The following SH3RF3 variants were observed in gnomAD, a reference collection of about 807,000 sequenced individuals.
SH3RF3 encodes the protein SH3 domain containing ring finger 3, also known as E3 ubiquitin-protein ligase SH3RF3.
A neutral mutation model predicts 66.3 loss-of-function variants in SH3RF3; 29 were observed. The observed-to-expected ratio is 0.44, with a 90% CI of 0.33 to 0.60. The LOEUF is 0.60. Among genes scored for constraint, SH3RF3 ranks in the 20% least tolerant of loss-of-function variants. The probability of loss-of-function intolerance (pLI) is 0.04; values close to 1 mark genes in which losing one functional copy is unlikely to be tolerated. For missense variants in SH3RF3, 1,194 were observed against 1,190.9 expected (o/e 1.00, Z -0.04); for synonymous variants, 583 against 532.0 (o/e 1.10, Z -1.32).
chr2:109,337,087 T>G (rs1200288797), intron 1 of SH3RF3, among the ~76,000 whole-genome samples: 1 of 152,276 alleles, frequency 6.6e-6, no homozygotes, highest in Non-Finnish European at 1.5e-5. Context: ...ATCCTAAATG[T>G]AAATTCAGGA....
intron 8 of SH3RF3, among the ~76,000 whole-genome samples, chr2:109,485,949 G>A (rs1234938689): frequency 6.6e-6 from 1 of 152,220 alleles, no homozygotes; most frequent in African/African-American, 2.4e-5. Flanking sequence ...CCTTCTGTCT[G>A]GGAAGGTGGG....
intron 1 of SH3RF3, among the ~76,000 whole-genome samples, chr2:109,253,522 A>G (rs1431928689): frequency 6.6e-6 from 1 of 152,194 alleles, no homozygotes; most frequent in Non-Finnish European, 1.5e-5. Flanking sequence ...AATCCAGGCA[A>G]CAGAAATACC....
At chr2:109,356,979 G>A (rs773375631) in intron 2 of SH3RF3, among the ~76,000 whole-genome samples, 11 of 152,164 alleles carry the variant, frequency 7.2e-5, no homozygotes, top group Non-Finnish European at 1.3e-4. Flanking sequence ...CAGATGTCCT[G>A]TAGAGACATG....
At chr2:109,266,467 T>C (rs1335723270) in intron 1 of SH3RF3, among the ~76,000 whole-genome samples, 1 of 151,358 alleles carries the variant, frequency 6.6e-6, no homozygotes, top group Non-Finnish European at 1.5e-5. Flanking sequence ...TGTTTGGGAG[T>C]GGTCCCAGAA....
chr2:109,160,852 C>T (rs1226502991), intron 1 of SH3RF3, among the ~76,000 whole-genome samples: 2 of 152,096 alleles, frequency 1.3e-5, no homozygotes, highest in Admixed American at 1.3e-4. Flanking sequence ...ATGGACAGGG[C>T]CAGGAGAGGC....
chr2:109,392,541 G>C (rs560948348), intron 3 of SH3RF3, among the ~76,000 whole-genome samples: 2 of 151,582 alleles, frequency 1.3e-5, no homozygotes, highest in Non-Finnish European at 2.9e-5. Context: ...ACGGAGTCTC[G>C]CACTGTTGCC....
intron 1 of SH3RF3, among the ~76,000 whole-genome samples, chr2:109,232,432 C>T (rs1314847572): frequency 6.6e-6 from 1 of 152,198 alleles, no homozygotes; most frequent in Non-Finnish European, 1.5e-5. Flanking sequence ...TCTCTGAGCC[C>T]TGGTCTGCCT....
At position 109,432,641 on chromosome 2, in the gene SH3RF3, T is replaced by A; in HGVS notation, c.1544T>A (p.Phe515Tyr). The change falls in exon 6 of 10, where the codon TTC (phenylalanine) becomes TAC (tyrosine). Residue 515 changes from phenylalanine to tyrosine, a missense_variant. By Grantham distance (22) the Phe-to-Tyr change is conservative. Transcript: ENST00000309415. ...ASLRTGVSGVFPGNYVTPVSR... is the reference protein window; with the variant it reads ...ASLRTGVSGVYPGNYVTPVSR... The stretch of plus-strand genomic sequence containing the variant: ...CTGAGGACCGGGGTCTCTGGGGTGT[T>A]CCCCGGAAACTACGTGACACCCGTT... The A allele has an allele frequency of 6.2e-7, 1 of 1,612,812 alleles. No individual in the cohort carries two copies.
chr2:109,261,865 A>T (rs549973457), intron 1 of SH3RF3, among the ~76,000 whole-genome samples: 47 of 151,546 alleles, frequency 3.1e-4, no homozygotes, highest in South Asian at 2.1e-3. Context: ...TTTTTTTTTT[A>T]AATTTATTAA....
chr2:109,183,114 T>C (rs1459471020), intron 1 of SH3RF3, among the ~76,000 whole-genome samples: 1 of 152,238 alleles, frequency 6.6e-6, no homozygotes, highest in Non-Finnish European at 1.5e-5. Flanking sequence ...AAGAAATCTT[T>C]AGAAGATTGT....
chr2:109,401,253 T>G (rs573554802), intron 4 of SH3RF3, among the ~76,000 whole-genome samples: 1 of 152,234 alleles, frequency 6.6e-6, no homozygotes, highest in African/African-American at 2.4e-5. Context: ...GTTGGCGATG[T>G]GAACAGTCGA....
chr2:109,193,526 T>C (rs1054665799), intron 1 of SH3RF3, among the ~76,000 whole-genome samples: 5 of 152,240 alleles, frequency 3.3e-5, no homozygotes, highest in South Asian at 2.1e-4. Flanking sequence ...TTTTTATATC[T>C]GGCTTCTTTC....
chr2:109,481,010 TCATTG>T (rs1678821112), intron 8 of SH3RF3, among the ~76,000 whole-genome samples: 1 of 152,194 alleles, frequency 6.6e-6, no homozygotes, highest in Non-Finnish European at 1.5e-5. Flanking sequence ...CCAAGCTGTG[TCATTG>T]CTTCAGGCAA....
At chr2:109,473,898 T>A (rs1678602953) in intron 8 of SH3RF3, among the ~76,000 whole-genome samples, 1 of 152,144 alleles carries the variant, frequency 6.6e-6, no homozygotes, top group African/African-American at 2.4e-5. Context: ...TGCCCCTTGA[T>A]CATCAGCAGT....
intron 1 of SH3RF3, among the ~76,000 whole-genome samples, chr2:109,221,703 AT>A (rs771395261): frequency 6.6e-6 from 1 of 152,030 alleles, no homozygotes; most frequent in Non-Finnish European, 1.5e-5. Flanking sequence ...TCCTTCCCCA[AT>A]TTTTAATGGG....
intron 1 of SH3RF3, among the ~76,000 whole-genome samples, chr2:109,132,790 C>T (rs1676728133): frequency 6.6e-6 from 1 of 152,164 alleles, no homozygotes; most frequent in African/African-American, 2.4e-5. Context: ...CACTATTTTG[C>T]AAGAAAATCC....
At position 109,436,984 on chromosome 2, in the gene SH3RF3, A is replaced by G. The variant is rs1483809199; in HGVS notation, c.1666A>G (p.Ser556Gly). 1.2e-6 allele frequency: 2 copies of G among 1,613,884 alleles called. No individual in the cohort carries two copies. Among genetic ancestry groups the G allele is most frequent in the Non-Finnish European group, 8.5e-7 (1 of 1,179,902 alleles). Residue 556 changes from serine (S) to glycine (G), a missense_variant, in exon 7 of 10, where the codon AGT becomes GGT. Ser to Gly is a moderately conservative substitution (Grantham distance 56). Transcript: ENST00000309415. The stretch of plus-strand genomic sequence containing the variant: ...GATAACCACAACCATGCACCCAGGC[A>G]GTGGGAGTCTGAGCAGCCTGGCCAC... ...KGITTTMHPG[S>G]GSLSSLATAT... is the part of the protein sequence containing the mutation.
chr2:109,467,112 A>C (rs528310154), intron 8 of SH3RF3, among the ~76,000 whole-genome samples: 7 of 152,258 alleles, frequency 4.6e-5, no homozygotes, highest in Admixed American at 1.3e-4. Flanking sequence ...GAAGTTAAAC[A>C]TGCCACCTGT....
chr2:109,372,742 G>A (rs113064384), intron 3 of SH3RF3, among the ~76,000 whole-genome samples: 2,950 of 152,212 alleles, frequency 0.019, 93 homozygotes, highest in African/African-American at 0.061. Flanking sequence ...ACTGTCTCTG[G>A]CTAATGAACT....
Sources: allele counts gnomAD v4.1 joint callset (sites outside exome capture counted in the v4.1 genomes callset), GRCh38; gene constraint gnomAD v4.1.1; transcripts MANE v1.5; gene names NCBI Gene and HGNC (gene_info 2026-07-23, HGNC 2026-07-21).